CEBPZ: variants seen among roughly 807,000 people sequenced by gnomAD.
The protein encoded by CEBPZ is CCAAT enhancer binding protein zeta, also known as CCAAT/enhancer-binding protein zeta.
In CEBPZ, 78 loss-of-function variants were observed where a neutral mutation model predicts 104.5. The observed-to-expected ratio is 0.75, with a 90% CI of 0.62 to 0.90. The LOEUF (loss-of-function observed/expected upper bound fraction) is 0.90. CEBPZ is among the 40% of genes least tolerant of loss of function. The pLI, the probability that CEBPZ is intolerant of heterozygous loss-of-function variation, is 0.00. For synonymous variants in CEBPZ, 470 were observed against 427.0 expected, an observed-to-expected ratio of 1.10 and a Z score of -1.24; for missense variants, 1,439 against 1,233.5, an observed-to-expected ratio of 1.17 and a Z score of -2.50.
rs539163789 is a variant in CEBPZ, at chr2:37,230,002, C to A, written c.157-966G>T. 7.2e-5 allele frequency among the ~76,000 whole-genome samples: 11 copies of A among 152,272 alleles called. No individual in the cohort carries two copies. In the South Asian group the frequency reaches 2.3e-3, roughly 32 times the overall value. On this transcript the variant is annotated intron_variant, in intron 1 of 15. Transcript: ENST00000234170. ...AGCCACTGTGCCTGGCTCATTTCTA[C>A]AAATTTATACTACATATACACTTAC... is the stretch of plus-strand genomic sequence containing the variant.
intron 10 of CEBPZ, 143 bp downstream of exon 10, chr2:37,213,721 T>C: frequency 1.7e-6 from 1 of 593,982 alleles, no homozygotes; most frequent in South Asian, 2.1e-5. Flanking sequence ...GCCCCAAATA[T>C]TTCTTAATCT....
At position 37,228,817 on chromosome 2, in the gene CEBPZ, T is replaced by G; in HGVS notation, c.376A>C (p.Lys126Gln). 2 of 1,603,372 alleles carry G rather than the reference T, an allele frequency of 1.2e-6. No homozygotes were observed. The highest frequency in any genetic ancestry group is 1.7e-6 in the Non-Finnish European group (2 of 1,176,468). The part of the protein sequence containing the change: ...KEVKIPKINN[K>Q]NTAESQRTSV... The stretch of plus-strand genomic sequence containing the variant: ...GTCCTTTGACTTTCTGCTGTATTTT[T>G]ATTATTTATTTTAGGTATTTTTACT... Residue 126 changes from lysine to glutamine, a missense_variant, in exon 2 of 16, where the codon AAA (lysine) becomes CAA (glutamine). Coordinates refer to ENST00000234170, the MANE Select transcript of CEBPZ (RefSeq NM_005760.3).
At chr2:37,218,246 G>A (rs530028199) in intron 5 of CEBPZ, among the ~76,000 whole-genome samples, 2 of 148,946 alleles carry the variant, frequency 1.3e-5, no homozygotes, top group Non-Finnish European at 3.0e-5. Context: ...CAGCCTGGGC[G>A]ACAGAGCAAG....
At chr2:37,216,586 A>G (rs1384519891) in intron 6 of CEBPZ, among the ~76,000 whole-genome samples, 168 bp from the exon 7 acceptor site, 1 of 152,234 alleles carries the variant, frequency 6.6e-6, no homozygotes, top group East Asian at 1.9e-4. Flanking sequence ...TAAAAAATTA[A>G]ACACACAGAT....
intron 13 of CEBPZ, chr2:37,204,469 G>C (rs976810663): frequency 4.1e-5 from 6 of 145,158 alleles, no homozygotes; most frequent in African/African-American, 1.5e-4. Context: ...GTAGAGATGG[G>C]GTTTCATCAT....
intron 5 of CEBPZ, among the ~76,000 whole-genome samples, chr2:37,218,464 T>G (rs1193939053): frequency 6.6e-6 from 1 of 152,226 alleles, no homozygotes; most frequent in Non-Finnish European, 1.5e-5. Flanking sequence ...GTCTTTCACA[T>G]AGCTGTGAAT....
Position 37,216,866 on chromosome 2 carries a change from G to A in CEBPZ, c.2208+118C>T, listed in dbSNP as rs114840547. The A allele has an allele frequency of 2.4e-3, 1,953 of 812,048 alleles. 32 individuals carry two copies. In the African/African-American group the frequency reaches 0.03, roughly 13 times the overall value. The allele number at this position is 812,048 out of a possible 1,614,324, so 50.3% of individuals were successfully genotyped here. ...GAAACAAGTCACTGCTTCTTTATAC[G>A]AGCAGTAAAATGTACAAGATTCTCT... On this transcript the variant is annotated intron_variant, in intron 6 of 15. Coordinates refer to ENST00000234170, the MANE Select transcript of CEBPZ (RefSeq NM_005760.3).
Position 37,220,424 on chromosome 2 carries a change from G to C in CEBPZ, c.2115C>G (p.Phe705Leu), listed in dbSNP as rs1197391197. The change falls in exon 5 of 16, where the codon TTC becomes TTG. Residue 705 changes from phenylalanine to leucine, a missense_variant. By Grantham distance (22) the Phe-to-Leu change is conservative. Coordinates refer to ENST00000234170, the MANE Select transcript of CEBPZ (RefSeq NM_005760.3). Reference protein sequence around the residue: ...KYDPFSRNPLFCGAENTSLWE... With the variant: ...KYDPFSRNPLLCGAENTSLWE... ...AAAGACTTGTATTTTCAGCTCCACAGAACAGAGGGTTTCTACTGAATGGAT... is the reference window on the plus strand; with the variant it reads ...AAAGACTTGTATTTTCAGCTCCACACAACAGAGGGTTTCTACTGAATGGAT... The C allele has an allele frequency of 2.5e-6, 4 of 1,601,724 alleles. No individual in the cohort carries two copies. The highest frequency in any genetic ancestry group is 3.4e-6 in the Non-Finnish European group (4 of 1,172,880).
At chr2:37,217,189 G>A in intron 5 of CEBPZ, 152 bp from the exon 6 acceptor site, 1 of 626,158 alleles carries the variant, frequency 1.6e-6, no homozygotes, top group Non-Finnish European at 2.8e-6. Flanking sequence ...CTTGAGCCCA[G>A]AAGTTGAGAC....
chr2:37,219,606 TA>T (rs2148357177), intron 5 of CEBPZ, among the ~76,000 whole-genome samples: 1 of 152,274 alleles, frequency 6.6e-6, no homozygotes, highest in East Asian at 1.9e-4. Context: ...GCCGACTCAC[TA>T]AAAAGGTATC....
rs781366532 is a variant in CEBPZ, at chr2:37,201,782, A to G, written c.3147T>C (p.Thr1049=). 2.1e-6 allele frequency: 3 copies of G among 1,438,724 alleles called. No homozygotes were observed. The highest frequency in any genetic ancestry group is 1.1e-5 in the South Asian group (1 of 86,964). The allele number at this position is 1,438,724 out of a possible 1,614,324, so 89.1% of individuals were successfully genotyped here. A position where few individuals can be genotyped will look rare whatever the true frequency, so the allele number is the denominator to read the frequency against. Residue 1049 remains threonine (T), a synonymous_variant, in exon 16 of 16, where the codon ACT becomes ACC. Coordinates refer to ENST00000234170, the MANE Select transcript of CEBPZ (RefSeq NM_005760.3). ...TAATAACTCATTTCCTTTGTTTTTTAGTTTTTTGAGTGGTTTTAATCCTCT... is the reference window on the plus strand; with the variant it reads ...TAATAACTCATTTCCTTTGTTTTTTGGTTTTTTGAGTGGTTTTAATCCTCT... ...KKKRIKTTQK[T]KKQRK
chr2:37,214,832 TA>T, intron 9 of CEBPZ, 53 bp downstream of exon 9: 1 of 1,141,512 alleles, frequency 8.8e-7, no homozygotes, highest in Non-Finnish European at 1.3e-6. Context: ...TTATGAAATC[TA>T]AAAATTTAAA....
intron 5 of CEBPZ, among the ~76,000 whole-genome samples, chr2:37,217,613 A>G (rs890653803): frequency 1.3e-5 from 2 of 152,122 alleles, no homozygotes; most frequent in East Asian, 1.9e-4. Context: ...TAAAAATAAC[A>G]ATAAAGCGGC....
chr2:37,220,328 A>AAAT (rs1553351236), intron 5 of CEBPZ, 57 bp downstream of exon 5: 24 of 501,554 alleles, frequency 4.8e-5, no homozygotes, highest in African/African-American at 2.8e-4. Flanking sequence ...AAAAAAAAAA[A>AAAT]ATATATATAT....
At chr2:37,231,331 C>A in intron 1 of CEBPZ, 81 bp downstream of exon 1, 1 of 1,597,778 alleles carries the variant, frequency 6.3e-7, no homozygotes, top group Non-Finnish European at 8.6e-7. Flanking sequence ...CTACGCAGCG[C>A]GGAAGCGGCG....
chr2:37,215,668 C>T (rs1677850094), intron 8 of CEBPZ: 1 of 153,776 alleles, frequency 6.5e-6, no homozygotes, highest in African/African-American at 2.4e-5. Context: ...ACAACAGACT[C>T]AGATCCAGAA....
In CEBPZ at chr2:37,214,895, A is replaced by T; in HGVS notation, c.2438T>A (p.Phe813Tyr). The change falls in exon 9 of 16, where the codon TTT (phenylalanine) becomes TAT (tyrosine). Residue 813 changes from phenylalanine to tyrosine, a missense_variant. Physicochemically the swap from Phe to Tyr is conservative, Grantham distance 22. Coordinates refer to ENST00000234170, the MANE Select transcript of CEBPZ (RefSeq NM_005760.3). ...EESQIPVDEVFFHRYYKKVAV... is the reference protein window; with the variant it reads ...EESQIPVDEVYFHRYYKKVAV... ...ATATTATGTATAGTACCTGTGGAAA[A>T]ACACTTCATCCACTGGTATTTGGCT... 3 of 1,607,594 alleles carry T rather than the reference A, an allele frequency of 1.9e-6. No homozygotes were observed. The highest frequency in any genetic ancestry group is 2.6e-6 in the Non-Finnish European group (3 of 1,174,388).
chr2:37,214,886 C>T lies in CEBPZ; in HGVS notation c.2447G>A (p.Arg816Lys). 1 of 1,597,366 alleles carries T rather than the reference C, an allele frequency of 6.3e-7. No homozygotes were observed. The highest frequency in any genetic ancestry group is 8.6e-7 in the Non-Finnish European group (1 of 1,165,344). ...QIPVDEVFFH[R>K]YYKKVAVKEK... The stretch of plus-strand genomic sequence containing the variant: ...AATGAAACTATATTATGTATAGTAC[C>T]TGTGGAAAAACACTTCATCCACTGG... The change falls in exon 9 of 16, where the codon AGG becomes AAG. Residue 816 changes from arginine to lysine, a missense_variant and splice_region_variant. Transcript: ENST00000234170.
At chr2:37,209,675 C>G (rs1236346428) in intron 13 of CEBPZ, 1 of 152,118 alleles carries the variant, frequency 6.6e-6, no homozygotes, top group East Asian at 1.9e-4. Flanking sequence ...AGACCTGAAA[C>G]TGTAAAAATT....
Sources: allele counts gnomAD v4.1 joint callset (sites outside exome capture counted in the v4.1 genomes callset), GRCh38; gene constraint gnomAD v4.1.1; transcripts MANE v1.5; gene names NCBI Gene and HGNC (gene_info 2026-07-23, HGNC 2026-07-21).